XPO4: variants seen among roughly 807,000 people sequenced by gnomAD.
The protein encoded by XPO4 is exportin-4.
In XPO4, 39 loss-of-function variants were observed where a neutral mutation model predicts 143.0. The observed-to-expected ratio is 0.27, with a 90% CI of 0.21 to 0.36. The LOEUF (loss-of-function observed/expected upper bound fraction) is 0.36. XPO4 is among the 10% of genes least tolerant of loss of function. XPO4 has a pLI of 1.00. For synonymous variants in XPO4, 439 were observed against 474.0 expected, an observed-to-expected ratio of 0.93 and a Z score of 0.96; for missense variants, 907 against 1,348.0, an observed-to-expected ratio of 0.67 and a Z score of 5.12.
At chr13:20,873,056 C>G (rs1192914524) in intron 1 of XPO4, among the ~76,000 whole-genome samples, 1 of 131,308 alleles carries the variant, frequency 7.6e-6, no homozygotes, top group Non-Finnish European at 1.6e-5. Flanking sequence ...GGATTGGAAG[C>G]AATAGGAGGT....
At chr13:20,853,131 G>C (rs1595132642) in intron 4 of XPO4, 1 of 726,858 alleles carries the variant, frequency 1.4e-6, no homozygotes. Flanking sequence ...AGGAGTTCGA[G>C]ACCAGCCTAG....
intron 13 of XPO4, among the ~76,000 whole-genome samples, chr13:20,804,934 G>A (rs563220261): frequency 8.2e-5 from 12 of 146,134 alleles, no homozygotes; most frequent in African/African-American, 2.5e-4. Flanking sequence ...ATTTACTCTC[G>A]GGTTTTTTTG....
chr13:20,830,123 T>G (rs918227431), intron 6 of XPO4, among the ~76,000 whole-genome samples: 3 of 152,190 alleles, frequency 2.0e-5, no homozygotes, highest in Non-Finnish European at 4.4e-5. Context: ...CTCCTAATCA[T>G]GGTCTGTTTT....
At chr13:20,841,192 T>C (rs1201609989) in intron 6 of XPO4, among the ~76,000 whole-genome samples, 1 of 152,198 alleles carries the variant, frequency 6.6e-6, no homozygotes, top group African/African-American at 2.4e-5. Flanking sequence ...GACTGCTAAT[T>C]TTAAAATATG....
chr13:20,861,659 T>C (rs559390081), intron 3 of XPO4, among the ~76,000 whole-genome samples: 1 of 152,028 alleles, frequency 6.6e-6, no homozygotes, highest in African/African-American at 2.4e-5. Flanking sequence ...GTTTAAGCAA[T>C]ACAGATATGT....
At chr13:20,785,149 T>C (rs1159864205) in intron 22 of XPO4, among the ~76,000 whole-genome samples, 1 of 152,162 alleles carries the variant, frequency 6.6e-6, no homozygotes, top group East Asian at 1.9e-4. Flanking sequence ...ATTACAAGCA[T>C]GAGCCACTGC....
intron 16 of XPO4, 140 bp from the exon 17 acceptor site, chr13:20,797,197 C>A (rs1188339959): frequency 1.3e-6 from 1 of 772,840 alleles, no homozygotes; most frequent in Admixed American, 3.5e-5. Context: ...CTAAACCAGA[C>A]TTTACACTCC....
intron 1 of XPO4, among the ~76,000 whole-genome samples, chr13:20,872,239 C>T (rs541321942): frequency 6.6e-6 from 1 of 152,320 alleles, no homozygotes; most frequent in Admixed American, 6.5e-5. Context: ...TCTTAAGTTA[C>T]CCTTCAAAAA....
chr13:20,828,606 T>G (rs1731764749), intron 6 of XPO4, among the ~76,000 whole-genome samples: 1 of 152,196 alleles, frequency 6.6e-6, no homozygotes. Flanking sequence ...ACTGCTTGTT[T>G]CTGAAAAGTC....
chr13:20,787,100 A>T, intron 21 of XPO4, 43 bp from the exon 22 acceptor site: 1 of 1,486,932 alleles, frequency 6.7e-7, no homozygotes, highest in Non-Finnish European at 9.2e-7. Flanking sequence ...TAGGATGATC[A>T]TATATCCTCC....
chr13:20,811,274 T>C (rs1448620264), intron 9 of XPO4, among the ~76,000 whole-genome samples: 1 of 151,266 alleles, frequency 6.6e-6, no homozygotes, highest in East Asian at 1.9e-4. Context: ...TTGAAACAGA[T>C]AGAATGCTTT....
At chr13:20,805,035 C>T (rs1323526787) in intron 13 of XPO4, among the ~76,000 whole-genome samples, 1 of 151,916 alleles carries the variant, frequency 6.6e-6, no homozygotes, top group East Asian at 1.9e-4. Context: ...ACCTCTGCCT[C>T]CGAGGTTCAA....
At chr13:20,848,771 A>T (rs693814) in intron 4 of XPO4, 184,845 of 984,792 alleles carry the variant, frequency 0.19, 20,725 homozygotes, top group East Asian at 0.79. Flanking sequence ...GTTGGAAAAT[A>T]AATGATGTGT....
intron 9 of XPO4, among the ~76,000 whole-genome samples, chr13:20,812,651 T>C (rs371509373): frequency 1.3e-4 from 20 of 151,978 alleles, no homozygotes; most frequent in Admixed American, 4.6e-4. Flanking sequence ...GAAGAGGACA[T>C]TGGGGGAAAA....
In XPO4 at chr13:20,865,974, C is replaced by T. The variant is rs187070688; in HGVS notation, c.175+2622G>A. On this transcript the variant is annotated intron_variant, in intron 2 of 22. Transcript: ENST00000255305. ...GGTTTATTATTTTGTTTTGTTTTGG[C>T]ACTTGTGAGATCAGAAGTGAAAGAA... The T allele has an allele frequency of 2.1e-6, 2 of 939,022 alleles. 1 individual carries two copies. The highest frequency in any genetic ancestry group is 1.2e-4 in the Admixed American group (2 of 16,216). The allele number at this position is 939,022 out of a possible 1,614,324, so 58.2% of individuals were successfully genotyped here.
intron 4 of XPO4, among the ~76,000 whole-genome samples, chr13:20,847,707 G>A (rs572184702): frequency 1.1e-4 from 17 of 152,102 alleles, no homozygotes; most frequent in Admixed American, 2.6e-4. Flanking sequence ...TAAGACAGCC[G>A]GAAACAAAAG....
intron 4 of XPO4, chr13:20,849,258 T>C (rs2060060219): frequency 1.0e-6 from 1 of 985,306 alleles, no homozygotes; most frequent in African/African-American, 1.7e-5. Flanking sequence ...CAAACATCAA[T>C]GAGACTTATG....
At chr13:20,880,508 T>C (rs2060398350) in intron 1 of XPO4, among the ~76,000 whole-genome samples, 1 of 151,676 alleles carries the variant, frequency 6.6e-6, no homozygotes, top group African/African-American at 2.4e-5. Context: ...AAATCAAAGA[T>C]AAAACTATCA....
intron 1 of XPO4, among the ~76,000 whole-genome samples, chr13:20,894,179 T>C (rs1195599439): frequency 2.6e-5 from 4 of 152,192 alleles, no homozygotes; most frequent in Admixed American, 6.5e-5. Flanking sequence ...TAAGATTGGT[T>C]ATGCATGTTC....
Sources: gnomAD v4.1 joint callset for allele counts (sites outside exome capture counted in the v4.1 genomes callset) on GRCh38, gnomAD v4.1.1 for gene constraint, MANE v1.5 for transcripts, NCBI Gene and HGNC (gene_info 2026-07-23, HGNC 2026-07-21) for gene names.